The following CCDC63 variants were observed in gnomAD, a reference collection of about 807,000 sequenced individuals.
CCDC63 encodes coiled-coil domain-containing protein 63.
Under a neutral mutation model 63.6 loss-of-function variants are expected in CCDC63, and 54 were observed. The ratio of observed to expected loss-of-function variants is 0.85; its 90% CI spans 0.68 to 1.07. The LOEUF (loss-of-function observed/expected upper bound fraction) is 1.07, where lower values mean the gene tolerates loss of function less well. Among genes scored for constraint, CCDC63 ranks in the 50% least tolerant of loss-of-function variants. CCDC63 has a pLI of 0.00. For missense variants in CCDC63, 637 were observed against 689.6 expected (o/e 0.92, Z 0.86); for synonymous variants, 253 against 266.1 (o/e 0.95, Z 0.48).
At position 110,847,053 on chromosome 12, in the gene CCDC63, G is replaced by A. The variant is rs1312955256; in HGVS notation, c.-149G>A. 1 of 152,186 alleles carries A rather than the reference G, an allele frequency of 6.6e-6. No homozygotes were observed. The highest frequency in any genetic ancestry group is 1.5e-5 in the Non-Finnish European group (1 of 68,032). 9.4% of individuals were successfully genotyped at this position (152,186 alleles called of 1,614,324 possible). On this transcript the variant is annotated 5_prime_UTR_variant, in exon 1 of 12. Transcript: ENST00000308208. Reference sequence around the variant, plus strand: ...CGTCGGAAGCGCAGTTGCAGCAGCCGTCGGACAAGCGGCCGGAGCAGCCAC... The same window carrying A: ...CGTCGGAAGCGCAGTTGCAGCAGCCATCGGACAAGCGGCCGGAGCAGCCAC...
intron 11 of CCDC63, among the ~76,000 whole-genome samples, chr12:110,905,755 T>C (rs2071551406): frequency 6.8e-6 from 1 of 147,508 alleles, no homozygotes; most frequent in Non-Finnish European, 1.5e-5. Context: ...TACTGTATTG[T>C]ATAATCCCAT....
rs190887524 is a variant in CCDC63, at chr12:110,858,209, A to C, written c.180-377A>C. Among the ~76,000 whole-genome samples, 165 of 152,220 alleles carry C rather than the reference A, an allele frequency of 1.1e-3. 1 individual carries two copies. Among genetic ancestry groups the C allele is most frequent in the African/African-American group, 4.0e-3 (164 of 41,510 alleles). ...CCTGCCTGATGGTTTGCTCCTCATT[A>C]CTGGAGATAATTGGCGGTAAAGTCT... On this transcript the variant is annotated intron_variant, in intron 3 of 11. Transcript: ENST00000308208.
intron 8 of CCDC63, among the ~76,000 whole-genome samples, chr12:110,888,082 T>A (rs970602214): frequency 2.0e-5 from 3 of 152,158 alleles, no homozygotes; most frequent in Non-Finnish European, 4.4e-5. Context: ...AACGGAGCCA[T>A]CGGCTCCCTC....
intron 1 of CCDC63, among the ~76,000 whole-genome samples, chr12:110,847,859 C>G (rs1176580199): frequency 6.6e-6 from 1 of 152,172 alleles, no homozygotes; most frequent in Non-Finnish European, 1.5e-5. Flanking sequence ...AGATGAGGTG[C>G]AGGCCTAATT....
intron 8 of CCDC63, among the ~76,000 whole-genome samples, chr12:110,886,869 A>G (rs1226854897): frequency 2.6e-5 from 4 of 152,128 alleles, no homozygotes; most frequent in Non-Finnish European, 5.9e-5. Context: ...AGGGTCCAGG[A>G]CAGGCACAGG....
At chr12:110,902,964 C>T (rs2071509199) in intron 10 of CCDC63, among the ~76,000 whole-genome samples, 1 of 151,730 alleles carries the variant, frequency 6.6e-6, no homozygotes, top group Non-Finnish European at 1.5e-5. Flanking sequence ...CTCACTGCAG[C>T]CTCTGCCTCC....
At chr12:110,900,442 T>A (rs917465732) in intron 10 of CCDC63, among the ~76,000 whole-genome samples, 3 of 152,106 alleles carry the variant, frequency 2.0e-5, no homozygotes, top group African/African-American at 7.2e-5. Flanking sequence ...AATAAAGTGC[T>A]CAGAGTAGTG....
In CCDC63 at chr12:110,907,192, C is replaced by A; in HGVS notation, c.1547-139C>A. The A allele has an allele frequency of 1.4e-6, 1 of 736,934 alleles. No homozygotes were observed. Among genetic ancestry groups the A allele is most frequent in the Non-Finnish European group, 2.2e-6 (1 of 464,594 alleles). 45.6% of individuals were successfully genotyped at this position (736,934 alleles called of 1,614,324 possible). A position where few individuals can be genotyped will look rare whatever the true frequency, so the allele number is the denominator to read the frequency against. On this transcript the variant is annotated intron_variant, in intron 11 of 11. Coordinates refer to ENST00000308208, the MANE Select transcript of CCDC63 (RefSeq NM_152591.3). The surrounding 1 kb of genome is among the most constrained non-coding windows in gnomAD (Gnocchi z 4.4). ...CTGGGCAGCCCCAAGAAGTATATTT[C>A]TGTTCATTCTCCCCCTCCTTGAAAC...
At chr12:110,845,436 G>A (rs563143164), upstream of CCDC63, among the ~76,000 whole-genome samples, 58 of 152,280 alleles carry the variant, frequency 3.8e-4, 1 homozygote, top group African/African-American at 1.3e-3. Flanking sequence ...TCCACTGACT[G>A]CAAAACTCGG....
chr12:110,868,695 T>TGAGAGGGAGACCGTGGGGAGAGG (rs2071014067), intron 4 of CCDC63, among the ~76,000 whole-genome samples: 1 of 128,908 alleles, frequency 7.8e-6, no homozygotes, highest in African/African-American at 2.9e-5. Flanking sequence ...CGGCTCCGCA[T>TGAGAGGGAGACCGTGGGGAGAGG]GAGAGGGAGA....
At chr12:110,867,084 C>A (rs2070965111) in intron 4 of CCDC63, among the ~76,000 whole-genome samples, 1 of 143,794 alleles carries the variant, frequency 7.0e-6, no homozygotes, top group Admixed American at 6.8e-5. Flanking sequence ...GGCAGAGGCA[C>A]CCCTCACCTC....
In CCDC63 at chr12:110,884,151, T is replaced by C; in HGVS notation, c.975T>C (p.Asp325=). Residue 325 remains aspartate (D), a synonymous_variant, in exon 8 of 12, where the codon GAT becomes GAC. Coordinates refer to ENST00000308208, the MANE Select transcript of CCDC63 (RefSeq NM_152591.3). ...GGAACCTAAACCAGCTCATTGAAGA[T>C]TTTCTGGCCAAGGAGGAGAAGAATT... ...ESGNLNQLIE[D]FLAKEEKNFA... is the part of the protein sequence containing the mutation. The C allele has an allele frequency of 1.9e-6, 3 of 1,614,046 alleles. No individual in the cohort carries two copies. Among genetic ancestry groups the C allele is most frequent in the Non-Finnish European group, 2.5e-6 (3 of 1,180,014 alleles).
chr12:110,847,068 G>A lies in CCDC63; in HGVS notation c.-134G>A, dbSNP rs2339635. The stretch of plus-strand genomic sequence containing the variant: ...TGCAGCAGCCGTCGGACAAGCGGCC[G>A]GAGCAGCCACGGACAAGCAGTCCGG... On this transcript the variant is annotated 5_prime_UTR_variant, in exon 1 of 12. Transcript: ENST00000308208. 1.3e-5 allele frequency: 2 copies of A among 152,012 alleles called. No individual in the cohort carries two copies. Among genetic ancestry groups the A allele is most frequent in the Non-Finnish European group, 2.9e-5 (2 of 67,966 alleles). 9.4% of individuals were successfully genotyped at this position (152,012 alleles called of 1,614,324 possible).
intron 4 of CCDC63, among the ~76,000 whole-genome samples, chr12:110,860,441 C>G (rs1566118290): frequency 6.6e-6 from 1 of 152,220 alleles, no homozygotes; most frequent in Non-Finnish European, 1.5e-5. Context: ...ATTTTGTTCT[C>G]TACAGTGCCA....
At chr12:110,851,330 G>A (rs1047973461) in intron 1 of CCDC63, among the ~76,000 whole-genome samples, 3 of 152,076 alleles carry the variant, frequency 2.0e-5, no homozygotes, top group African/African-American at 7.2e-5. Flanking sequence ...ATTTTAGCTT[G>A]GTTCTCAGCC....
chr12:110,867,201 G>A (rs1376610301), intron 4 of CCDC63, among the ~76,000 whole-genome samples: 8 of 134,208 alleles, frequency 6.0e-5, no homozygotes, highest in African/African-American at 8.5e-5. Context: ...CCTCCCGGAC[G>A]GGGCGGCTGG....
intron 4 of CCDC63, among the ~76,000 whole-genome samples, chr12:110,862,940 G>A (rs2070878948): frequency 3.3e-5 from 5 of 151,956 alleles, no homozygotes; most frequent in African/African-American, 7.3e-5. Context: ...ATTTTTAGTA[G>A]ATATGGAGTT....
At chr12:110,862,569 T>G (rs1222364075) in intron 4 of CCDC63, among the ~76,000 whole-genome samples, 5 of 152,128 alleles carry the variant, frequency 3.3e-5, no homozygotes, top group Admixed American at 3.3e-4. Context: ...CAACTCTGAA[T>G]GTACTCATGA....
intron 4 of CCDC63, among the ~76,000 whole-genome samples, chr12:110,862,798 C>G (rs555316285): frequency 5.6e-4 from 85 of 151,950 alleles, no homozygotes; most frequent in Non-Finnish European, 8.1e-4. Context: ...CTCTGTCACC[C>G]AGACTGGAGT....
Sources: gnomAD v4.1 joint callset for allele counts (sites outside exome capture counted in the v4.1 genomes callset) on GRCh38, gnomAD v4.1.1 for gene constraint, Gnocchi (gnomAD v3.1) non-coding constraint, MANE v1.5 for transcripts, NCBI Gene and HGNC (gene_info 2026-07-23, HGNC 2026-07-21) for gene names.